The following CLMN variants were observed in gnomAD, a reference collection of about 807,000 sequenced individuals.
The protein encoded by CLMN is calmin.
A neutral mutation model predicts 92.7 loss-of-function variants in CLMN; 57 were observed. That is an observed-to-expected ratio of 0.61 (90% CI 0.50 to 0.77). CLMN has a LOEUF of 0.77. Ranked by LOEUF, CLMN falls within the 30% of genes least tolerant of loss-of-function variation. CLMN has a pLI of 0.00. For synonymous variants in CLMN, 466 were observed against 470.6 expected, an observed-to-expected ratio of 0.99 and a Z score of 0.13; for missense variants, 1,158 against 1,237.5, an observed-to-expected ratio of 0.94 and a Z score of 0.96.
chr14:95,194,275 G>C lies in CLMN; in HGVS notation c.2769+261C>G. ...TCCTTCTGGGTGCGCGCGGGGTCCA[G>C]GTGAGGCGTTTTGGGTGCGTTTTTA... On this transcript the variant is annotated intron_variant, in intron 11 of 12. Transcript: ENST00000298912. The surrounding 1 kb of genome is among the most constrained non-coding windows in gnomAD (Gnocchi z 4.0). 1.4e-6 allele frequency: 2 copies of C among 1,406,552 alleles called. No homozygotes were observed. The highest frequency in any genetic ancestry group is 1.8e-6 in the Non-Finnish European group (2 of 1,084,728). 87.1% of individuals were successfully genotyped at this position (1,406,552 alleles called of 1,614,324 possible).
At chr14:95,275,199 G>T (rs540959096) in intron 1 of CLMN, among the ~76,000 whole-genome samples, 1 of 152,192 alleles carries the variant, frequency 6.6e-6, no homozygotes, top group South Asian at 2.1e-4. Flanking sequence ...AATAGGGGCT[G>T]GGTAAAATTA....
chr14:95,199,558 G>A (rs890769830), intron 9 of CLMN, among the ~76,000 whole-genome samples: 3 of 152,140 alleles, frequency 2.0e-5, no homozygotes, highest in Admixed American at 6.5e-5. Context: ...CCCTACACTG[G>A]CAGGCCCTGT....
intron 1 of CLMN, among the ~76,000 whole-genome samples, chr14:95,257,053 C>T (rs116652448): frequency 2.6e-5 from 4 of 152,260 alleles, no homozygotes. Context: ...GATGAGACAG[C>T]CTTAAATGCC....
At chr14:95,266,397 T>A (rs1321588402) in intron 1 of CLMN, among the ~76,000 whole-genome samples, 1 of 152,230 alleles carries the variant, frequency 6.6e-6, no homozygotes, top group East Asian at 1.9e-4. Flanking sequence ...GTAGCATTTA[T>A]ATGACGAAAG....
At chr14:95,296,082 T>C (rs1900798954) in intron 1 of CLMN, 1 of 152,284 alleles carries the variant, frequency 6.6e-6, no homozygotes, top group Non-Finnish European at 1.5e-5. Context: ...TATGCTGTTA[T>C]AACAGAATGC....
Position 95,191,711 on chromosome 14 carries a change from T to G in CLMN, c.2862A>C (p.Glu954Asp). The G allele has an allele frequency of 6.2e-7, 1 of 1,611,068 alleles. No homozygotes were observed. Among genetic ancestry groups the G allele is most frequent in the South Asian group, 1.1e-5 (1 of 90,826 alleles). Residue 954 changes from glutamate to aspartate, a missense_variant, in exon 13 of 13, where the codon GAA (glutamate) becomes GAC (aspartate). Transcript: ENST00000298912. The surrounding 1 kb of genome is among the most constrained non-coding windows in gnomAD (Gnocchi z 5.3). Reference protein sequence around the residue: ...ILTRKANSSGEAMSLGSHSPQ... With the variant: ...ILTRKANSSGDAMSLGSHSPQ... ...GGCTGTGGCTCCCCAGTGACATGGCTTCTCCTGAGCTGTTGGCCTTCCTAC... is the reference window on the plus strand; with the variant it reads ...GGCTGTGGCTCCCCAGTGACATGGCGTCTCCTGAGCTGTTGGCCTTCCTAC...
intron 1 of CLMN, among the ~76,000 whole-genome samples, chr14:95,299,705 C>T (rs1281897232): frequency 6.6e-6 from 1 of 152,198 alleles, no homozygotes; most frequent in Non-Finnish European, 1.5e-5. Context: ...GATCATCACC[C>T]TATGCCACCA....
At chr14:95,249,716 C>A (rs981914291) in intron 1 of CLMN, among the ~76,000 whole-genome samples, 2 of 152,098 alleles carry the variant, frequency 1.3e-5, no homozygotes, top group African/African-American at 4.8e-5. Context: ...CTCAGCCTCC[C>A]AAGTAGCTGG....
chr14:95,256,589 C>T lies in CLMN; in HGVS notation c.83-26456G>A, dbSNP rs557870153. 5.9e-5 allele frequency among the ~76,000 whole-genome samples: 9 copies of T among 152,312 alleles called. No individual in the cohort carries two copies. In the East Asian group the frequency reaches 1.4e-3, roughly 23 times the overall value. Reference sequence around the variant, plus strand: ...TGAGTGTGGCTCTGCACAACCGCCTCGTCAATACCCATCCCACGTGGAACT... The same window carrying T: ...TGAGTGTGGCTCTGCACAACCGCCTTGTCAATACCCATCCCACGTGGAACT... On this transcript the variant is annotated intron_variant, in intron 1 of 12. Coordinates refer to ENST00000298912, the MANE Select transcript of CLMN (RefSeq NM_024734.4). This position sits in a 1 kb window ranked among gnomAD's most constrained non-coding sequence, Gnocchi z 4.9.
Position 95,213,708 on chromosome 14 carries a change from C to T in CLMN, c.418-299G>A, listed in dbSNP as rs550226230. On this transcript the variant is annotated intron_variant, in intron 5 of 12. Coordinates refer to ENST00000298912, the MANE Select transcript of CLMN (RefSeq NM_024734.4). ...CACACCAGGTCTTCCTGACCCAACT[C>T]TGCCGCCCCTTTCCTCTCACCGCCC... Among the ~76,000 whole-genome samples the T allele has an allele frequency of 2.6e-5, 4 of 152,162 alleles. No homozygotes were observed. The South Asian group carries it at 8.3e-4, about 31-fold the overall frequency.
chr14:95,278,537 C>T (rs1900022166), intron 1 of CLMN, among the ~76,000 whole-genome samples: 2 of 152,084 alleles, frequency 1.3e-5, no homozygotes, highest in Non-Finnish European at 2.9e-5. Flanking sequence ...ACTCTGTTTT[C>T]CTCATGGAAC....
chr14:95,210,909 A>G, intron 6 of CLMN, 30 bp from the exon 7 acceptor site: 1 of 1,490,596 alleles, frequency 6.7e-7, no homozygotes, highest in Non-Finnish European at 8.9e-7. Flanking sequence ...GGCGGCCAGG[A>G]TGCTGGTTAG....
chr14:95,234,705 G>A (rs1448300174), intron 1 of CLMN, among the ~76,000 whole-genome samples: 7 of 152,202 alleles, frequency 4.6e-5, no homozygotes, highest in Admixed American at 2.6e-4. Flanking sequence ...GGGAGGCCTG[G>A]CCCTGGCTCA....
intron 1 of CLMN, among the ~76,000 whole-genome samples, chr14:95,254,573 C>G (rs967025284): frequency 1.3e-5 from 2 of 152,154 alleles, no homozygotes; most frequent in Non-Finnish European, 2.9e-5. Context: ...TATGAGGCAC[C>G]CCATCCATAT....
chr14:95,225,033 A>G (rs1031952380), intron 2 of CLMN, among the ~76,000 whole-genome samples: 2 of 152,134 alleles, frequency 1.3e-5, no homozygotes, highest in African/African-American at 4.8e-5. Context: ...TAGACTTACT[A>G]GGAACTCAAA....
rs1487186778 is a variant in CLMN, at chr14:95,204,157, T to G, written c.1192A>C (p.Ile398Leu). The G allele has an allele frequency of 6.2e-7, 1 of 1,614,184 alleles. No homozygotes were observed. The highest frequency in any genetic ancestry group is 2.2e-5 in the East Asian group (1 of 44,886). ...GAGGATTCTGGAGATGGCTCACTGA[T>G]GTCGCTGGTCTTACCTGGGCCCCCT... ...LQGGPGKTSD[I>L]SEPSPESSIL... Residue 398 changes from isoleucine to leucine, a missense_variant, in exon 9 of 13, where the codon ATC becomes CTC. Transcript: ENST00000298912.
intron 1 of CLMN, among the ~76,000 whole-genome samples, chr14:95,243,320 GGGTGATA>G (rs1392704514): frequency 1.1e-4 from 17 of 152,264 alleles, no homozygotes; most frequent in Non-Finnish European, 2.1e-4. Flanking sequence ...TGGATTGATG[GGGTGATA>G]GGTGTGTGTG....
intron 6 of CLMN, among the ~76,000 whole-genome samples, chr14:95,212,673 T>C (rs915956533): frequency 3.9e-5 from 6 of 152,210 alleles, no homozygotes; most frequent in East Asian, 1.9e-4. Context: ...TGATGAAGGC[T>C]CCTCTGATCT....
chr14:95,319,836 G>C lies in CLMN; in HGVS notation c.-44C>G. ...CCCGGGCCAGCGCGGCGCGGGCGGC[G>C]GGCGCGGAGAGCCTGGCTGGCGGGC... On this transcript the variant is annotated 5_prime_UTR_variant, in exon 1 of 13. Transcript: ENST00000298912. 1 of 1,237,786 alleles carries C rather than the reference G, an allele frequency of 8.1e-7. No individual in the cohort carries two copies. Among genetic ancestry groups the C allele is most frequent in the Non-Finnish European group, 1.0e-6 (1 of 981,312 alleles). The allele number at this position is 1,237,786 out of a possible 1,614,324, so 76.7% of individuals were successfully genotyped here.
Sources: gnomAD v4.1 joint callset for allele counts (sites outside exome capture counted in the v4.1 genomes callset) on GRCh38, gnomAD v4.1.1 for gene constraint, Gnocchi (gnomAD v3.1) non-coding constraint, MANE v1.5 for transcripts, NCBI Gene and HGNC (gene_info 2026-07-23, HGNC 2026-07-21) for gene names.